GRM1: variants seen among roughly 807,000 people sequenced by gnomAD.
GRM1 encodes glutamate metabotropic receptor 1.
In GRM1, 33 loss-of-function variants were observed where a neutral mutation model predicts 90.9. That is an observed-to-expected ratio of 0.36 (90% CI 0.28 to 0.49). The LOEUF (loss-of-function observed/expected upper bound fraction) is 0.49. Ranked by LOEUF, GRM1 falls within the 20% of genes least tolerant of loss-of-function variation. The probability of loss-of-function intolerance (pLI) is 0.99; values close to 1 mark genes in which losing one functional copy is unlikely to be tolerated. For synonymous variants in GRM1, 700 were observed against 613.2 expected (o/e 1.14, Z -2.09); for missense variants, 1,190 against 1,534.3 (o/e 0.78, Z 3.75).
chr6:146,432,005 T>G (rs2114691761), intron 7 of GRM1, among the ~76,000 whole-genome samples: 1 of 152,336 alleles, frequency 6.6e-6, no homozygotes, highest in South Asian at 2.1e-4. Context: ...CTACCTGTTC[T>G]TGCCAGGGAC....
chr6:146,329,425 G>A (rs1784510498), intron 3 of GRM1, among the ~76,000 whole-genome samples: 1 of 152,154 alleles, frequency 6.6e-6, no homozygotes, highest in Admixed American at 6.6e-5. Context: ...GGAGGATTAA[G>A]GTCATGAGCA....
At chr6:146,174,122 T>C (rs1778247919) in intron 2 of GRM1, among the ~76,000 whole-genome samples, 1 of 152,070 alleles carries the variant, frequency 6.6e-6, no homozygotes. Flanking sequence ...TAAGACAACA[T>C]TGAAAGTTGA....
At chr6:146,181,967 T>C (rs954475406) in intron 2 of GRM1, among the ~76,000 whole-genome samples, 6 of 152,022 alleles carry the variant, frequency 3.9e-5, no homozygotes, top group Non-Finnish European at 7.4e-5. Context: ...AAATAAGAGA[T>C]CATTAAAAAG....
At position 146,072,479 on chromosome 6, in the gene GRM1, G is replaced by A. The variant is rs1468832765; in HGVS notation, c.700+42262G>A. Among the ~76,000 whole-genome samples the A allele has an allele frequency of 2.6e-5, 4 of 152,106 alleles. No individual in the cohort carries two copies. In the South Asian group the frequency reaches 8.3e-4, roughly 31 times the overall value. ...AACTTTTTACTTTCAAAAGTTTTTA[G>A]CAAGATTCCACATCAAAAGCAAAGT... is the stretch of plus-strand genomic sequence containing the variant. On this transcript the variant is annotated intron_variant, in intron 1 of 7. Transcript: ENST00000282753.
intron 2 of GRM1, among the ~76,000 whole-genome samples, chr6:146,230,676 A>G (rs935228846): frequency 1.3e-5 from 2 of 152,182 alleles, no homozygotes; most frequent in Admixed American, 6.6e-5. Context: ...TTTACCCAAA[A>G]GAGTTGAAAA....
At chr6:146,334,868 T>C (rs1244148247) in intron 3 of GRM1, among the ~76,000 whole-genome samples, 2 of 152,102 alleles carry the variant, frequency 1.3e-5, no homozygotes, top group African/African-American at 4.8e-5. Flanking sequence ...GACAACATCA[T>C]TTTCTCTCAG....
At chr6:146,290,707 C>A (rs1429577976) in intron 2 of GRM1, among the ~76,000 whole-genome samples, 1 of 152,052 alleles carries the variant, frequency 6.6e-6, no homozygotes, top group Admixed American at 6.6e-5. Context: ...TTTTGAGGAG[C>A]AGATAATTTG....
rs867889855 is a variant in GRM1 at position 146,434,155 on chromosome 6, G to C, written c.2944G>C (p.Val982Leu). Residue 982 changes from valine to leucine, a missense_variant, in exon 8 of 8, where the codon GTG becomes CTG. Val to Leu is a conservative substitution (Grantham distance 32). Coordinates refer to ENST00000282753, the MANE Select transcript of GRM1 (RefSeq NM_001278064.2). Reference protein sequence around the residue: ...GSPSMVVHRRVPSAATTPPLP... With the variant: ...GSPSMVVHRRLPSAATTPPLP... The stretch of plus-strand genomic sequence containing the variant: ...CCCTTCCATGGTGGTGCACAGGCGC[G>C]TGCCAAGCGCGGCGACCACTCCGCC... The C allele has an allele frequency of 4.3e-6, 7 of 1,613,900 alleles. No individual in the cohort carries two copies. Among genetic ancestry groups the C allele is most frequent in the East Asian group, 2.2e-5 (1 of 44,840 alleles).
At chr6:146,302,192 C>A (rs1295192741) in intron 2 of GRM1, among the ~76,000 whole-genome samples, 2 of 151,494 alleles carry the variant, frequency 1.3e-5, no homozygotes, top group Non-Finnish European at 2.9e-5. Flanking sequence ...CCTGACTAAG[C>A]CTGACTCCTC....
At chr6:146,379,053 T>G (rs924487949) in intron 5 of GRM1, among the ~76,000 whole-genome samples, 7 of 152,202 alleles carry the variant, frequency 4.6e-5, no homozygotes, top group African/African-American at 1.7e-4. Context: ...CAGGTATGTC[T>G]TTATTGGCAG....
At chr6:146,247,750 CAAA>C (rs770414091) in intron 2 of GRM1, among the ~76,000 whole-genome samples, 2 of 57,348 alleles carry the variant, frequency 3.5e-5, no homozygotes, top group Non-Finnish European at 7.3e-5. Flanking sequence ...GACTCCATCT[CAAA>C]AAAAAAAAAA....
At chr6:146,213,453 A>G (rs1341508657) in intron 2 of GRM1, among the ~76,000 whole-genome samples, 2 of 152,172 alleles carry the variant, frequency 1.3e-5, no homozygotes, top group Non-Finnish European at 2.9e-5. Context: ...TGTAGTATAG[A>G]TGACAGATTG....
chr6:146,063,780 G>A (rs1001466508), intron 1 of GRM1, among the ~76,000 whole-genome samples: 1 of 152,028 alleles, frequency 6.6e-6, no homozygotes, highest in African/African-American at 2.4e-5. Context: ...TAGCTCTTCT[G>A]TTGCATACTG....
At chr6:146,373,122 T>C (rs1299558622) in intron 5 of GRM1, among the ~76,000 whole-genome samples, 2 of 152,180 alleles carry the variant, frequency 1.3e-5, no homozygotes, top group East Asian at 3.8e-4. Context: ...AATTTTTGGG[T>C]GTCCTCTTCA....
chr6:146,295,609 T>G (rs547655918), intron 2 of GRM1, among the ~76,000 whole-genome samples: 2 of 152,174 alleles, frequency 1.3e-5, no homozygotes, highest in Non-Finnish European at 2.9e-5. Flanking sequence ...TTGTATCTAG[T>G]TTTAGAATAA....
chr6:146,207,687 A>G (rs1015162954), intron 2 of GRM1, among the ~76,000 whole-genome samples: 8 of 152,186 alleles, frequency 5.3e-5, no homozygotes, highest in African/African-American at 1.9e-4. Flanking sequence ...CATCTTTTAA[A>G]ATAGGCAACT....
intron 1 of GRM1, among the ~76,000 whole-genome samples, chr6:146,030,662 T>C (rs1279164805): frequency 6.6e-6 from 1 of 152,202 alleles, no homozygotes; most frequent in Non-Finnish European, 1.5e-5. Flanking sequence ...CAAAGCTTTA[T>C]CTTTCTTTAA....
chr6:146,044,960 T>A (rs1791271183), intron 1 of GRM1, among the ~76,000 whole-genome samples: 2 of 151,892 alleles, frequency 1.3e-5, no homozygotes, highest in South Asian at 4.2e-4. Flanking sequence ...ACTTAGTAGA[T>A]CTGGGGTGGG....
chr6:146,429,007 A>G (rs901172143), intron 7 of GRM1, among the ~76,000 whole-genome samples: 1 of 152,162 alleles, frequency 6.6e-6, no homozygotes, highest in African/African-American at 2.4e-5. Context: ...AGGTCTTAAT[A>G]AGGGCAAACT....
Sources: allele counts gnomAD v4.1 joint callset (sites outside exome capture counted in the v4.1 genomes callset), GRCh38; gene constraint gnomAD v4.1.1; transcripts MANE v1.5; gene names NCBI Gene and HGNC (gene_info 2026-07-23, HGNC 2026-07-21).